PRIM2: variants seen among roughly 807,000 people sequenced by gnomAD.
The protein encoded by PRIM2 is DNA primase subunit 2.
In PRIM2, 39 loss-of-function variants were observed where a neutral mutation model predicts 67.3. The observed-to-expected ratio is 0.58, with a 90% confidence interval of 0.45 to 0.76. PRIM2 has a LOEUF of 0.76. Ranked by LOEUF, PRIM2 falls within the 30% of genes least tolerant of loss-of-function variation. The pLI, the probability that PRIM2 is intolerant of heterozygous loss-of-function variation, is 0.00. For synonymous variants in PRIM2, 143 were observed against 198.7 expected (o/e 0.72, Z 2.36); for missense variants, 398 against 598.7 (o/e 0.66, Z 3.50).
the PRIM2 span, among the ~76,000 whole-genome samples, chr6:57,241,527 A>C: frequency 6.8e-6 from 1 of 147,160 alleles, no homozygotes; most frequent in Non-Finnish European, 1.5e-5. Context: ...AAAAAAAAAA[A>C]CTTTAAAAAA....
At chr6:57,419,281 G>A (rs1216521857) in intron 7 of PRIM2, among the ~76,000 whole-genome samples, 2 of 152,240 alleles carry the variant, frequency 1.3e-5, no homozygotes, top group African/African-American at 4.8e-5. Flanking sequence ...GTTAGACTAC[G>A]GGGAGTTGCC....
At chr6:57,600,525 T>A (rs1776445502) in intron 10 of PRIM2, among the ~76,000 whole-genome samples, 1 of 152,048 alleles carries the variant, frequency 6.6e-6, no homozygotes, top group African/African-American at 2.4e-5. Flanking sequence ...ACCCAGCTAA[T>A]ATTTAATTTT....
the PRIM2 span, among the ~76,000 whole-genome samples, chr6:57,297,884 C>A: frequency 3.3e-5 from 5 of 152,134 alleles, no homozygotes; most frequent in African/African-American, 1.2e-4. Context: ...GGCTCAAGAA[C>A]TATCCCAGAC....
At chr6:57,628,290 T>C (rs1483129742) in intron 12 of PRIM2, among the ~76,000 whole-genome samples, 1 of 152,128 alleles carries the variant, frequency 6.6e-6, no homozygotes, top group Non-Finnish European at 1.5e-5. Context: ...CCTGACCTAT[T>C]CTATTTCTGA....
At chr6:57,249,016 T>G in the PRIM2 span, among the ~76,000 whole-genome samples, 1 of 152,048 alleles carries the variant, frequency 6.6e-6, no homozygotes, top group Non-Finnish European at 1.5e-5. Context: ...ACCTCATTGC[T>G]CCACTTTGGA....
intron 7 of PRIM2, among the ~76,000 whole-genome samples, chr6:57,434,767 T>C (rs749422892): frequency 2.0e-5 from 3 of 151,938 alleles, no homozygotes; most frequent in Non-Finnish European, 4.4e-5. Flanking sequence ...CTGCTCTCTC[T>C]CTCTTTTTTA....
intron 7 of PRIM2, among the ~76,000 whole-genome samples, chr6:57,463,140 A>G (rs1773062467): frequency 6.6e-6 from 1 of 152,160 alleles, no homozygotes; most frequent in East Asian, 1.9e-4. Flanking sequence ...GGAAATCTAG[A>G]ACTGAGTTCT....
chr6:57,480,785 C>T (rs1212975501), intron 7 of PRIM2, among the ~76,000 whole-genome samples: 11 of 152,136 alleles, frequency 7.2e-5, no homozygotes, highest in African/African-American at 1.2e-4. Flanking sequence ...CATGTCACCA[C>T]GCCCAGCTAG....
At chr6:57,270,053 G>A in the PRIM2 span, among the ~76,000 whole-genome samples, 1 of 152,124 alleles carries the variant, frequency 6.6e-6, no homozygotes, top group African/African-American at 2.4e-5. Context: ...ATAGTTTGAA[G>A]TCAGGTAGCA....
At chr6:57,496,498 T>C (rs1554346399) in intron 7 of PRIM2, among the ~76,000 whole-genome samples, 3 of 152,136 alleles carry the variant, frequency 2.0e-5, no homozygotes, top group Admixed American at 6.6e-5. Flanking sequence ...CCAGTGTACA[T>C]AGTAGAATTT....
At chr6:57,367,046 TA>T (rs971403600) in intron 5 of PRIM2, among the ~76,000 whole-genome samples, 1 of 152,080 alleles carries the variant, frequency 6.6e-6, no homozygotes, top group East Asian at 1.9e-4. Flanking sequence ...CCTATGCTAT[TA>T]AAAAAACAGT....
intron 11 of PRIM2, among the ~76,000 whole-genome samples, chr6:57,603,481 CA>C (rs1776506738): frequency 6.6e-6 from 1 of 152,096 alleles, no homozygotes; most frequent in African/African-American, 2.4e-5. Flanking sequence ...TGTTGAAGGT[CA>C]GATAGTTGTA....
At chr6:57,240,352 C>T in the PRIM2 span, among the ~76,000 whole-genome samples, 10 of 152,090 alleles carry the variant, frequency 6.6e-5, no homozygotes, top group Non-Finnish European at 5.9e-5. Context: ...CCTCCTGCCT[C>T]GGCCTCCCAA....
At chr6:57,273,396 G>C in the PRIM2 span, among the ~76,000 whole-genome samples, 16,180 of 152,096 alleles carry the variant, frequency 0.11, 1,439 homozygotes, top group African/African-American at 0.23. Context: ...ATGACTGATA[G>C]CCTATCTTCC....
intron 7 of PRIM2, among the ~76,000 whole-genome samples, chr6:57,485,643 A>C (rs1178153335): frequency 6.6e-6 from 1 of 152,236 alleles, no homozygotes; most frequent in Non-Finnish European, 1.5e-5. Context: ...AGGAGTTCTT[A>C]GGTTATAGGA....
At chr6:57,285,071 A>G in the PRIM2 span, among the ~76,000 whole-genome samples, 1 of 152,246 alleles carries the variant, frequency 6.6e-6, no homozygotes, top group East Asian at 1.9e-4. Flanking sequence ...AGACTAAATC[A>G]GGAAGAAGTC....
At chr6:57,442,947 C>G (rs1172693866) in intron 7 of PRIM2, among the ~76,000 whole-genome samples, 1 of 152,136 alleles carries the variant, frequency 6.6e-6, no homozygotes, top group Admixed American at 6.5e-5. Flanking sequence ...CCCACTCCCC[C>G]AGCCTCTGTA....
the PRIM2 span, among the ~76,000 whole-genome samples, chr6:57,248,697 T>C: frequency 6.6e-6 from 1 of 152,148 alleles, no homozygotes; most frequent in Non-Finnish European, 1.5e-5. Flanking sequence ...GTCTGATCCA[T>C]TGCAGGAGGG....
chr6:57,547,854 G>A (rs1258181866), intron 10 of PRIM2, among the ~76,000 whole-genome samples: 1 of 152,142 alleles, frequency 6.6e-6, no homozygotes, highest in Non-Finnish European at 1.5e-5. Context: ...GTTAAAAATT[G>A]ACTACTGAAG....
Sources: gnomAD v4.1 joint callset for allele counts (sites outside exome capture counted in the v4.1 genomes callset) on GRCh38, gnomAD v4.1.1 for gene constraint, MANE v1.5 for transcripts, NCBI Gene and HGNC (gene_info 2026-07-23, HGNC 2026-07-21) for gene names.